DEK: variants seen among roughly 807,000 people sequenced by gnomAD.
DEK encodes the protein protein DEK.
DEK carries 28 observed loss-of-function variants against 46.8 expected under a neutral mutation model. The ratio of observed to expected loss-of-function variants is 0.60; its 90% CI spans 0.44 to 0.82. DEK has a LOEUF of 0.82. DEK is among the 40% of genes least tolerant of loss of function. The pLI, the probability that DEK is intolerant of heterozygous loss-of-function variation, is 0.00. For synonymous variants in DEK, 160 were observed against 144.5 expected (o/e 1.11, Z -0.77); for missense variants, 416 against 430.6 (o/e 0.97, Z 0.30).
At chr6:18,259,819 A>G (rs1791774279) in intron 2 of DEK, among the ~76,000 whole-genome samples, 1 of 152,238 alleles carries the variant, frequency 6.6e-6, no homozygotes, top group Admixed American at 6.5e-5. Context: ...AGATTTAGTA[A>G]TGTAAGGATT....
At chr6:18,229,718 CGGG>C (rs1582253037) in intron 9 of DEK, among the ~76,000 whole-genome samples, 1 of 152,210 alleles carries the variant, frequency 6.6e-6, no homozygotes, top group East Asian at 1.9e-4. Context: ...CCAAGAAACA[CGGG>C]ACTATGTGAA....
At chr6:18,260,018 G>A (rs533834523) in intron 2 of DEK, among the ~76,000 whole-genome samples, 13 of 152,090 alleles carry the variant, frequency 8.5e-5, no homozygotes, top group Non-Finnish European at 1.9e-4. Flanking sequence ...CAATCTCCAA[G>A]CCACAACTTT....
At chr6:18,259,464 T>G (rs1024736009) in intron 2 of DEK, among the ~76,000 whole-genome samples, 1 of 126,338 alleles carries the variant, frequency 7.9e-6, no homozygotes, top group South Asian at 2.5e-4. Context: ...TACTTCAAAA[T>G]TCAAAACATT....
chr6:18,257,832 A>G (rs1345971961), intron 4 of DEK, 121 bp downstream of exon 4: 4 of 582,264 alleles, frequency 6.9e-6, no homozygotes, highest in Non-Finnish European at 1.2e-5. Context: ...TAATAAGTAT[A>G]TACCTCAGTC....
chr6:18,227,891 A>C (rs1291077022), intron 9 of DEK, among the ~76,000 whole-genome samples: 1 of 152,198 alleles, frequency 6.6e-6, no homozygotes, highest in East Asian at 1.9e-4. Flanking sequence ...CACAACCTGA[A>C]AAGCAATGAA....
In DEK at chr6:18,255,849, A is replaced by C; in HGVS notation, c.455T>G (p.Phe152Cys). Residue 152 changes from phenylalanine (F) to cysteine (C), a missense_variant and splice_region_variant, in exon 6 of 11, where the codon TTT becomes TGT. By Grantham distance (205) the Phe-to-Cys change is radical (BLOSUM62 -2). Coordinates refer to ENST00000652689, the MANE Select transcript of DEK (RefSeq NM_003472.4). ...YKKKEEMLKK[F>C]RNAMLKSICE... ...GATGCTCTTTAACATGGCATTTCTAAATCTGAAACAGAAAATGGAAGAAAC... is the reference window on the plus strand; with the variant it reads ...GATGCTCTTTAACATGGCATTTCTACATCTGAAACAGAAAATGGAAGAAAC... 6.3e-7 allele frequency: 1 copy of C among 1,599,132 alleles called. No individual in the cohort carries two copies. Among genetic ancestry groups the C allele is most frequent in the Non-Finnish European group, 8.5e-7 (1 of 1,176,650 alleles).
At chr6:18,231,238 T>C (rs12208371) in intron 9 of DEK, among the ~76,000 whole-genome samples, 24,763 of 152,114 alleles carry the variant, frequency 0.16, 2,397 homozygotes, top group East Asian at 0.25. Context: ...GGGAAATTTA[T>C]AGCACTAAAT....
Position 18,224,929 on chromosome 6 carries a change from TTGA to T in DEK, c.*787_*789del. The T allele has an allele frequency of 4.7e-6, 1 of 214,476 alleles. No homozygotes were observed. The highest frequency in any genetic ancestry group is 9.4e-6 in the Non-Finnish European group (1 of 105,874). 13.3% of individuals were successfully genotyped at this position (214,476 alleles called of 1,614,324 possible). On this transcript the variant is annotated 3_prime_UTR_variant, in exon 11 of 11. Transcript: ENST00000652689. ...ACAGAGTTAATACTAAAATTACAAA[TTGA>T]TGACACTTTCGAGGCAAAGCAGGGT...
chr6:18,247,681 T>C (rs1053190825), intron 7 of DEK, among the ~76,000 whole-genome samples: 6 of 151,954 alleles, frequency 3.9e-5, no homozygotes, highest in Non-Finnish European at 8.8e-5. Context: ...TGCTCTCGTT[T>C]TTTTTTTTTG....
chr6:18,256,235 C>T, intron 5 of DEK, 126 bp downstream of exon 5: 2 of 764,482 alleles, frequency 2.6e-6, no homozygotes, highest in South Asian at 2.0e-5. Flanking sequence ...GATACGCCCG[C>T]CTCAGCCTCC....
rs1561969519 is a variant in DEK at position 18,225,744 on chromosome 6, GAA to G, written c.1117-16_1117-15del. 1.2e-6 allele frequency: 2 copies of G among 1,612,578 alleles called. No homozygotes were observed. Among genetic ancestry groups the G allele is most frequent in the African/African-American group, 1.3e-5 (1 of 74,882 alleles). On this transcript the variant is annotated splice_polypyrimidine_tract_variant and intron_variant, in intron 10 of 10. Coordinates refer to ENST00000652689, the MANE Select transcript of DEK (RefSeq NM_003472.4). ...TCAAGAAATTAGCTGTAATGAAAGA[GAA>G]ACATTATTTTGCCATAAATCATAAA...
At chr6:18,243,221 A>C (rs949527076) in intron 7 of DEK, among the ~76,000 whole-genome samples, 2 of 152,192 alleles carry the variant, frequency 1.3e-5, no homozygotes, top group African/African-American at 4.8e-5. Flanking sequence ...GAGATGCAAG[A>C]TGTGAAAGCA....
intron 2 of DEK, among the ~76,000 whole-genome samples, chr6:18,261,387 A>AC (rs1274907803): frequency 2.0e-5 from 3 of 152,214 alleles, no homozygotes; most frequent in Non-Finnish European, 4.4e-5. Context: ...AGCCTGACCA[A>AC]CATGGAGAAA....
At chr6:18,237,771 T>G (rs921184457) in intron 7 of DEK, among the ~76,000 whole-genome samples, 1 of 152,022 alleles carries the variant, frequency 6.6e-6, no homozygotes. Flanking sequence ...AAACTACATA[T>G]GCATTACTCT....
At chr6:18,229,712 G>A (rs1056626260) in intron 9 of DEK, among the ~76,000 whole-genome samples, 1 of 152,192 alleles carries the variant, frequency 6.6e-6, no homozygotes, top group Non-Finnish European at 1.5e-5. Context: ...AAGCCTCCAA[G>A]AAACACGGGA....
rs564147601 is a variant in DEK, at chr6:18,233,950, A to G, written c.1047+2502T>C. 5.9e-5 allele frequency among the ~76,000 whole-genome samples: 9 copies of G among 152,306 alleles called. No homozygotes were observed. In the East Asian group the frequency reaches 1.7e-3, roughly 29 times the overall value. On this transcript the variant is annotated intron_variant, in intron 9 of 10. Coordinates refer to ENST00000652689, the MANE Select transcript of DEK (RefSeq NM_003472.4). ...TAGCAAAGACTTGGAACCAACCCAA[A>G]TGATAGACTGGATTAAGAAAATGTG...
intron 6 of DEK, among the ~76,000 whole-genome samples, chr6:18,252,480 G>C (rs1791422603): frequency 8.8e-6 from 1 of 113,176 alleles, no homozygotes; most frequent in Non-Finnish European, 1.6e-5. Context: ...CAACACTCCA[G>C]TCTAGGCAAC....
chr6:18,232,096 A>G (rs1020612702), intron 9 of DEK, among the ~76,000 whole-genome samples: 1 of 152,248 alleles, frequency 6.6e-6, no homozygotes, highest in African/African-American at 2.4e-5. Context: ...TCATATAAAC[A>G]GAACCAAAGA....
rs779827442 is a variant in DEK, at chr6:18,264,421, G to A, written c.-46C>T. 3.7e-6 allele frequency: 1 copy of A among 268,634 alleles called. No individual in the cohort carries two copies. The highest frequency in any genetic ancestry group is 3.0e-5 in the South Asian group (1 of 33,502). 16.6% of individuals were successfully genotyped at this position (268,634 alleles called of 1,614,324 possible). ...GCCGCCGCGGGCCTGGCACGCGAGG[G>A]CACGAGGAGGTTCTGGGAGGCGGCG... On this transcript the variant is annotated 5_prime_UTR_variant, in exon 1 of 11. Coordinates refer to ENST00000652689, the MANE Select transcript of DEK (RefSeq NM_003472.4).
Sources: allele counts gnomAD v4.1 joint callset (sites outside exome capture counted in the v4.1 genomes callset), GRCh38; gene constraint gnomAD v4.1.1; transcripts MANE v1.5; gene names NCBI Gene and HGNC (gene_info 2026-07-23, HGNC 2026-07-21).